Variants in TXNRD1 observed in about 807,000 individuals in gnomAD.
The protein encoded by TXNRD1 is thioredoxin reductase 1, cytoplasmic.
Under a neutral mutation model 80.3 loss-of-function variants are expected in TXNRD1, and 57 were observed. The ratio of observed to expected loss-of-function variants is 0.71; its 90% confidence interval spans 0.57 to 0.89. The LOEUF (loss-of-function observed/expected upper bound fraction) is 0.89, where lower values mean the gene tolerates loss of function less well. Ranked by LOEUF, TXNRD1 falls within the 40% of genes least tolerant of loss-of-function variation. TXNRD1 has a pLI of 0.00. For missense variants in TXNRD1, 730 were observed against 803.0 expected, an observed-to-expected ratio of 0.91 and a Z score of 1.10; for synonymous variants, 291 against 285.2, an observed-to-expected ratio of 1.02 and a Z score of -0.20.
At chr12:104,275,226 T>G (rs1177758420) in intron 3 of TXNRD1, among the ~76,000 whole-genome samples, 1 of 149,770 alleles carries the variant, frequency 6.7e-6, no homozygotes. Flanking sequence ...TGCAGTGAGC[T>G]GAGATCGCAC....
chr12:104,253,859 A>G (rs1316078018), intron 2 of TXNRD1, among the ~76,000 whole-genome samples: 5 of 151,848 alleles, frequency 3.3e-5, no homozygotes, highest in African/African-American at 1.2e-4. Flanking sequence ...TGCCTGGCTA[A>G]TTTTTGTATT....
chr12:104,276,611 G>A (rs2033763675), intron 3 of TXNRD1: 1 of 152,178 alleles, frequency 6.6e-6, no homozygotes, highest in South Asian at 2.1e-4. Context: ...ACAGTCAAAA[G>A]CCTGCTGAAG....
intron 3 of TXNRD1, among the ~76,000 whole-genome samples, chr12:104,278,272 C>T (rs2033800778): frequency 7.1e-6 from 1 of 141,708 alleles, no homozygotes; most frequent in Non-Finnish European, 1.5e-5. Context: ...GTGATCTCGG[C>T]TCACTGCAAG....
At chr12:104,326,727 A>G (rs1186490959) in intron 12 of TXNRD1, among the ~76,000 whole-genome samples, 2 of 152,138 alleles carry the variant, frequency 1.3e-5, no homozygotes, top group African/African-American at 2.4e-5. Flanking sequence ...TGGCCTCCCA[A>G]AGTGCTGGGA....
intron 1 of TXNRD1, among the ~76,000 whole-genome samples, chr12:104,244,759 G>A (rs947150395): frequency 6.6e-6 from 1 of 152,166 alleles, no homozygotes; most frequent in Non-Finnish European, 1.5e-5. Flanking sequence ...CTAATTTTTT[G>A]CAATAGCTAA....
chr12:104,317,491 T>C (rs1205973474), intron 7 of TXNRD1, among the ~76,000 whole-genome samples: 1 of 152,142 alleles, frequency 6.6e-6, no homozygotes, highest in East Asian at 1.9e-4. Context: ...AATCAATTTT[T>C]TGTGCTGTCA....
intron 1 of TXNRD1, among the ~76,000 whole-genome samples, chr12:104,219,770 T>C (rs574563881): frequency 3.0e-4 from 46 of 151,992 alleles, no homozygotes; most frequent in Admixed American, 7.2e-4. Context: ...ATGACTCATA[T>C]GGCAAAAGGC....
At chr12:104,225,732 T>C (rs868098667) in intron 1 of TXNRD1, among the ~76,000 whole-genome samples, 23 of 144,800 alleles carry the variant, frequency 1.6e-4, no homozygotes, top group Middle Eastern at 3.5e-3. Context: ...TTTTTTTTTT[T>C]ATAAATTACC....
At chr12:104,271,596 C>G (rs2033653826) in intron 3 of TXNRD1, among the ~76,000 whole-genome samples, 1 of 152,106 alleles carries the variant, frequency 6.6e-6, no homozygotes. Flanking sequence ...TACAAAGAAC[C>G]TTCTTAAGGG....
intron 1 of TXNRD1, chr12:104,224,699 T>G: frequency 2.7e-6 from 1 of 376,608 alleles, no homozygotes. Context: ...TTGTTTAGAG[T>G]TGAATTTCCT....
At chr12:104,217,747 C>A (rs2032249639) in intron 1 of TXNRD1, among the ~76,000 whole-genome samples, 1 of 152,096 alleles carries the variant, frequency 6.6e-6, no homozygotes, top group African/African-American at 2.4e-5. Flanking sequence ...TTTGCCGTTT[C>A]CCCCAGCCCC....
rs575231154 is a variant in TXNRD1 at position 104,259,908 on chromosome 12, G to A, written c.304+1829G>A. ...CATCACATAATAACTACCATATATAGAGTGTTAGTCCCTGTTTTACATGGA... is the reference window on the plus strand; with the variant it reads ...CATCACATAATAACTACCATATATAAAGTGTTAGTCCCTGTTTTACATGGA... On this transcript the variant is annotated intron_variant, in intron 3 of 16. Coordinates refer to ENST00000525566, the MANE Select transcript of TXNRD1 (RefSeq NM_001093771.3). Among the ~76,000 whole-genome samples, 139 of 152,320 alleles carry A rather than the reference G, an allele frequency of 9.1e-4. 1 individual carries two copies. The highest frequency in any genetic ancestry group is 3.2e-3 in the African/African-American group (133 of 41,576).
chr12:104,268,920 T>TC (rs1265995327), intron 3 of TXNRD1, among the ~76,000 whole-genome samples: 1 of 149,304 alleles, frequency 6.7e-6, no homozygotes, highest in Non-Finnish European at 1.5e-5. Context: ...GTCATTTCTT[T>TC]TTTTTTTTTT....
intron 3 of TXNRD1, among the ~76,000 whole-genome samples, chr12:104,269,714 C>T (rs963138308): frequency 2.6e-5 from 4 of 152,096 alleles, no homozygotes; most frequent in South Asian, 2.1e-4. Context: ...ACTACAGGCA[C>T]GCGACACCAT....
intron 4 of TXNRD1, among the ~76,000 whole-genome samples, chr12:104,298,921 T>C (rs184884142): frequency 2.0e-5 from 3 of 152,236 alleles, no homozygotes; most frequent in East Asian, 3.9e-4. Context: ...GTAGTAATTA[T>C]ATGGTATAAA....
chr12:104,272,304 T>C (rs1196937395), intron 3 of TXNRD1, among the ~76,000 whole-genome samples: 2 of 152,052 alleles, frequency 1.3e-5, no homozygotes, highest in Non-Finnish European at 2.9e-5. Context: ...GGCTAAACAT[T>C]CCAATTCACT....
chr12:104,277,717 A>G (rs1208770387), intron 3 of TXNRD1, among the ~76,000 whole-genome samples: 1 of 151,970 alleles, frequency 6.6e-6, no homozygotes, highest in South Asian at 2.1e-4. Context: ...TTGTCCCTAC[A>G]AATCAAGTTT....
chr12:104,271,224 C>T (rs1412289120), intron 3 of TXNRD1, among the ~76,000 whole-genome samples: 1 of 136,138 alleles, frequency 7.3e-6, no homozygotes, highest in African/African-American at 2.8e-5. Context: ...CTCGCTCTGT[C>T]GCCCAGGCTA....
intron 4 of TXNRD1, chr12:104,304,640 C>T (rs778927712): frequency 1.9e-6 from 3 of 1,613,756 alleles, no homozygotes; most frequent in Admixed American, 1.7e-5. Context: ...TCGAAAGTAT[C>T]CTGATACTCC....
Sources: allele counts gnomAD v4.1 joint callset (sites outside exome capture counted in the v4.1 genomes callset), GRCh38; gene constraint gnomAD v4.1.1; transcripts MANE v1.5; gene names NCBI Gene and HGNC (gene_info 2026-07-23, HGNC 2026-07-21).